SH3D19: variants seen among roughly 807,000 people sequenced by gnomAD.
SH3D19 encodes SH3 domain containing 19, also known as SH3 domain-containing protein 19.
A neutral mutation model predicts 112.1 loss-of-function variants in SH3D19; 58 were observed. That is an observed-to-expected ratio of 0.52 (90% confidence interval 0.42 to 0.64). The LOEUF (loss-of-function observed/expected upper bound fraction) is 0.64, where lower values mean the gene tolerates loss of function less well. Ranked by LOEUF, SH3D19 falls within the 30% of genes least tolerant of loss-of-function variation. The probability of loss-of-function intolerance (pLI) is 0.00; values close to 1 mark genes in which losing one functional copy is unlikely to be tolerated. For missense variants in SH3D19, 1,090 were observed against 1,263.4 expected (o/e 0.86, Z 2.08); for synonymous variants, 391 against 448.5 (o/e 0.87, Z 1.62).
intron 1 of SH3D19, among the ~76,000 whole-genome samples, chr4:151,240,539 T>C (rs1243030144): frequency 6.6e-6 from 1 of 152,022 alleles, no homozygotes; most frequent in East Asian, 1.9e-4. Context: ...GCAATATAAT[T>C]TGTATATATT....
At chr4:151,246,071 G>C (rs1173327464) in intron 1 of SH3D19, among the ~76,000 whole-genome samples, 1 of 147,674 alleles carries the variant, frequency 6.8e-6, no homozygotes, top group Non-Finnish European at 1.5e-5. Flanking sequence ...GAAATATAAA[G>C]TATTTCCCTG....
intron 1 of SH3D19, chr4:151,227,981 T>C: frequency 1.0e-6 from 1 of 985,428 alleles, no homozygotes; most frequent in Non-Finnish European, 1.2e-6. Flanking sequence ...GCAGATGTGC[T>C]ATGACCAGTC....
At chr4:151,207,331 A>G (rs1765265132) in intron 2 of SH3D19, among the ~76,000 whole-genome samples, 1 of 152,260 alleles carries the variant, frequency 6.6e-6, no homozygotes, top group Non-Finnish European at 1.5e-5. Context: ...CAAGGCCACC[A>G]GGAAGTATCC....
rs1730965374 is a variant in SH3D19, at chr4:151,325,564, T to C, written c.-212A>G. 7.2e-6 allele frequency: 2 copies of C among 277,352 alleles called. No homozygotes were observed. Among genetic ancestry groups the C allele is most frequent in the South Asian group, 1.7e-4 (1 of 5,960 alleles). 17.2% of individuals were successfully genotyped at this position (277,352 alleles called of 1,614,324 possible). A position where few individuals can be genotyped will look rare whatever the true frequency, so the allele number is the denominator to read the frequency against. ...AGCGGCAGGGCGCGGGCCGAGCCGA[T>C]TCCCCGCCTCCTTGCGGCGTCCCGG... On this transcript the variant is annotated 5_prime_UTR_variant, in exon 1 of 20. Coordinates refer to ENST00000604030, the MANE Select transcript of SH3D19 (RefSeq NM_001378122.1).
intron 2 of SH3D19, among the ~76,000 whole-genome samples, chr4:151,189,687 T>C (rs1762337473): frequency 6.6e-6 from 1 of 152,188 alleles, no homozygotes; most frequent in Admixed American, 6.5e-5. Flanking sequence ...GCTATGATTG[T>C]GAGGCCTCTC....
At chr4:151,287,499 T>C (rs1264046262) in intron 1 of SH3D19, among the ~76,000 whole-genome samples, 1 of 151,984 alleles carries the variant, frequency 6.6e-6, no homozygotes, top group Non-Finnish European at 1.5e-5. Flanking sequence ...TCCAACAACA[T>C]ATAAAAAGGA....
intron 1 of SH3D19, among the ~76,000 whole-genome samples, chr4:151,264,017 G>A (rs1772579138): frequency 6.6e-6 from 1 of 152,116 alleles, no homozygotes; most frequent in Non-Finnish European, 1.5e-5. Context: ...GTTGCCCAGG[G>A]TGGTCTTGAA....
rs1554064515 is a variant in SH3D19 at position 151,267,170 on chromosome 4, A to AAT, written c.113-41085_113-41084insAT. Among the ~76,000 whole-genome samples, 151 of 105,706 alleles carry AAT rather than the reference A, an allele frequency of 1.4e-3. 3 individuals carry two copies. Among genetic ancestry groups the AAT allele is most frequent in the Non-Finnish European group, 2.0e-3 (92 of 47,014 alleles). 69.3% of individuals were successfully genotyped at this position (105,706 alleles called of 152,430 possible). ...TCAGTCTCTCTCTAAAAAAAAAAAAAAATAAATAAAATAAATTAGTCTAGC... is the reference window on the plus strand; with the variant it reads ...TCAGTCTCTCTCTAAAAAAAAAAAAAATAATAAATAAAATAAATTAGTCTAGC... On this transcript the variant is annotated intron_variant, in intron 1 of 19. Transcript: ENST00000604030.
chr4:151,285,745 T>C lies in SH3D19; in HGVS notation c.112+39496A>G, dbSNP rs370252089. ...TAGCTGGGTATGGTGCACAAGCCTG[T>C]AGTCCCAGCTACTTAGGAGACTGGG... On this transcript the variant is annotated intron_variant, in intron 1 of 19. Transcript: ENST00000604030. Among the ~76,000 whole-genome samples the C allele has an allele frequency of 8.5e-5, 13 of 152,068 alleles. No homozygotes were observed. The East Asian group carries it at 2.5e-3, about 29-fold the overall frequency.
chr4:151,294,779 G>A (rs987583050), intron 1 of SH3D19, among the ~76,000 whole-genome samples: 1 of 152,182 alleles, frequency 6.6e-6, no homozygotes, highest in Non-Finnish European at 1.5e-5. Flanking sequence ...ATAACCAAAT[G>A]CAAAATAAAT....
At chr4:151,126,051 A>G (rs1310333794) in intron 19 of SH3D19, among the ~76,000 whole-genome samples, 1 of 152,130 alleles carries the variant, frequency 6.6e-6, no homozygotes, top group African/African-American at 2.4e-5. Context: ...CCTTACCCCG[A>G]CAAAGGCTGC....
chr4:151,177,356 C>A (rs1760109386), intron 4 of SH3D19, among the ~76,000 whole-genome samples: 1 of 152,140 alleles, frequency 6.6e-6, no homozygotes, highest in South Asian at 2.1e-4. Flanking sequence ...TTATTATTAT[C>A]TGAGACAGAG....
intron 2 of SH3D19, among the ~76,000 whole-genome samples, chr4:151,200,204 C>T (rs979311139): frequency 1.8e-4 from 28 of 152,070 alleles, no homozygotes; most frequent in African/African-American, 6.5e-4. Flanking sequence ...TTATAGCAGC[C>T]TGAATGGACT....
At position 151,121,058 on chromosome 4, in the gene SH3D19, TAAAAC is replaced by T. The variant is rs1747913728; in HGVS notation, c.*1028_*1032del. ...GTGCAGGGATAAGCTAGAGAAAAAA[TAAAAC>T]AAAAAAGTACCAGTCTTCTGTCCTC... On this transcript the variant is annotated 3_prime_UTR_variant, in exon 20 of 20. Coordinates refer to ENST00000604030, the MANE Select transcript of SH3D19 (RefSeq NM_001378122.1). The T allele has an allele frequency of 1.3e-5, 2 of 152,538 alleles. No homozygotes were observed. Among genetic ancestry groups the T allele is most frequent in the Admixed American group, 6.6e-5 (1 of 15,266 alleles). The allele number at this position is 152,538 out of a possible 1,614,324, so 9.4% of individuals were successfully genotyped here. A position where few individuals can be genotyped will look rare whatever the true frequency, so the allele number is the denominator to read the frequency against.
intron 2 of SH3D19, among the ~76,000 whole-genome samples, chr4:151,191,267 C>T (rs1228114311): frequency 1.3e-5 from 2 of 152,136 alleles, no homozygotes; most frequent in African/African-American, 2.4e-5. Flanking sequence ...TCAGATGAGA[C>T]ATTGGACTGT....
At chr4:151,302,098 A>AC (rs1299036134) in intron 1 of SH3D19, among the ~76,000 whole-genome samples, 1 of 152,130 alleles carries the variant, frequency 6.6e-6, no homozygotes, top group African/African-American at 2.4e-5. Flanking sequence ...AACTTGCAGG[A>AC]CCCCCACACC....
rs746063332 is a variant in SH3D19, at chr4:151,144,196, A to T, written c.2083-146T>A. The T allele has an allele frequency of 2.5e-6, 4 of 1,609,258 alleles. No individual in the cohort carries two copies. The East Asian group carries it at 8.9e-5, about 36-fold the overall frequency. On this transcript the variant is annotated intron_variant, in intron 11 of 19. Coordinates refer to ENST00000604030, the MANE Select transcript of SH3D19 (RefSeq NM_001378122.1). ...CAGTAATTTTTTTTTTACATTAACCAGTAAGGAAAGAGCTCTACTTTACCT... is the reference window on the plus strand; with the variant it reads ...CAGTAATTTTTTTTTTACATTAACCTGTAAGGAAAGAGCTCTACTTTACCT...
At chr4:151,222,669 T>TC (rs1580250286) in intron 2 of SH3D19, among the ~76,000 whole-genome samples, 7 of 8,904 alleles carry the variant, frequency 7.9e-4, no homozygotes, top group Admixed American at 4.5e-3. Flanking sequence ...CTCTCTCTCT[T>TC]TTTTTTTTTT....
At chr4:151,260,490 C>A (rs1282436597) in intron 1 of SH3D19, among the ~76,000 whole-genome samples, 2 of 152,196 alleles carry the variant, frequency 1.3e-5, no homozygotes, top group South Asian at 2.1e-4. Flanking sequence ...AATGCATATA[C>A]CATTCTTGTC....
Sources: allele counts gnomAD v4.1 joint callset (sites outside exome capture counted in the v4.1 genomes callset), GRCh38; gene constraint gnomAD v4.1.1; transcripts MANE v1.5; gene names NCBI Gene and HGNC (gene_info 2026-07-23, HGNC 2026-07-21).